Variants in TCERG1L observed in about 807,000 individuals in gnomAD.
The protein encoded by TCERG1L is transcription elongation regulator 1-like protein.
Under a neutral mutation model 56.3 loss-of-function variants are expected in TCERG1L, and 37 were observed. That is an observed-to-expected ratio of 0.66 (90% confidence interval 0.51 to 0.87). The LOEUF (loss-of-function observed/expected upper bound fraction) is 0.87, where lower values mean the gene tolerates loss of function less well. TCERG1L is among the 40% of genes least tolerant of loss of function. TCERG1L has a pLI of 0.00. For missense variants in TCERG1L, 799 were observed against 774.2 expected (o/e 1.03, Z -0.38); for synonymous variants, 324 against 326.3 (o/e 0.99, Z 0.08).
intron 6 of TCERG1L, among the ~76,000 whole-genome samples, chr10:131,150,758 G>C (rs1845855354): frequency 6.6e-6 from 1 of 152,224 alleles, no homozygotes; most frequent in Non-Finnish European, 1.5e-5. Context: ...GCTGAGGGCA[G>C]GTCAGTGGCT....
At chr10:131,209,057 CAA>C (rs10677942) in intron 4 of TCERG1L, among the ~76,000 whole-genome samples, 34 of 127,726 alleles carry the variant, frequency 2.7e-4, no homozygotes, top group Middle Eastern at 4.0e-3. Flanking sequence ...GACTCTGTCT[CAA>C]AAAAAAAAAA....
intron 4 of TCERG1L, among the ~76,000 whole-genome samples, chr10:131,240,552 TG>T (rs1845959650): frequency 6.6e-6 from 1 of 151,938 alleles, no homozygotes; most frequent in Admixed American, 6.6e-5. Context: ...AGTGAGTGAG[TG>T]AGTGAGCGTC....
At chr10:131,213,037 C>T (rs1488857950) in intron 4 of TCERG1L, among the ~76,000 whole-genome samples, 2 of 152,268 alleles carry the variant, frequency 1.3e-5, no homozygotes, top group Admixed American at 6.5e-5. Flanking sequence ...TCTGCCCCAT[C>T]AGGCAGGCAG....
At chr10:131,153,628 T>A (rs7096186) in intron 6 of TCERG1L, among the ~76,000 whole-genome samples, 19,516 of 152,172 alleles carry the variant, frequency 0.13, 1,698 homozygotes, top group Non-Finnish European at 0.2. Flanking sequence ...TAGGCCAGCA[T>A]TTGTTGTAAG....
chr10:131,198,181 A>C (rs1845388296), intron 4 of TCERG1L, among the ~76,000 whole-genome samples: 4 of 152,228 alleles, frequency 2.6e-5, no homozygotes, highest in African/African-American at 4.8e-5. Flanking sequence ...TGGGATTATC[A>C]TGGGAAATGA....
chr10:131,271,889 G>C (rs577084013), intron 3 of TCERG1L, among the ~76,000 whole-genome samples: 16 of 152,336 alleles, frequency 1.1e-4, no homozygotes, highest in African/African-American at 3.8e-4. Context: ...TATTATGCTT[G>C]TTTAGCAACT....
chr10:131,127,061 C>T (rs931356262), intron 8 of TCERG1L, among the ~76,000 whole-genome samples: 13 of 152,162 alleles, frequency 8.5e-5, no homozygotes, highest in African/African-American at 2.9e-4. Flanking sequence ...TTGAAGGAGA[C>T]ACAGCCCAGT....
intron 4 of TCERG1L, among the ~76,000 whole-genome samples, chr10:131,195,045 A>G (rs990970897): frequency 1.3e-5 from 2 of 152,182 alleles, no homozygotes; most frequent in South Asian, 2.1e-4. Context: ...TTTAGTGCCC[A>G]TGGACTCCTT....
Position 131,107,696 on chromosome 10 carries a change from G to T in TCERG1L, c.1396-3342C>A, listed in dbSNP as rs1845366993. ...GTGAAACACTTACGATGCCCAGAGA[G>T]TACATTCCATGGGGCCACGATTGCA... On this transcript the variant is annotated intron_variant, in intron 9 of 11. Transcript: ENST00000368642. 2.0e-5 allele frequency among the ~76,000 whole-genome samples: 3 copies of T among 152,162 alleles called. No individual in the cohort carries two copies. The South Asian group carries it at 6.2e-4, about 32-fold the overall frequency.
rs1845484135 is a variant in TCERG1L, at chr10:131,118,697, G to A, written c.1260-1763C>T. Among the ~76,000 whole-genome samples, 1 of 152,120 alleles carries A rather than the reference G, an allele frequency of 6.6e-6. No homozygotes were observed. Among genetic ancestry groups the A allele is most frequent in the Non-Finnish European group, 1.5e-5 (1 of 68,030 alleles). Reference sequence around the variant, plus strand: ...CCACTGACCCCCAACCCTGACCGTGGCTATCAAATCCTGCTTTTCCATGCC... The same window carrying A: ...CCACTGACCCCCAACCCTGACCGTGACTATCAAATCCTGCTTTTCCATGCC... On this transcript the variant is annotated intron_variant, in intron 8 of 11. Transcript: ENST00000368642. This position sits in a 1 kb window ranked among gnomAD's most constrained non-coding sequence, Gnocchi z 4.2.
At position 131,245,420 on chromosome 10, in the gene TCERG1L, T is replaced by TAAAA. The variant is rs397816461; in HGVS notation, c.856+14835_856+14838dup. ...TGGTTTAAAATAATAATTTTTTTTT[T>TAAAA]AAAAAAACTGAGAAGTTGAAGTCGA... On this transcript the variant is annotated intron_variant, in intron 4 of 11. Transcript: ENST00000368642. 5.4e-3 allele frequency among the ~76,000 whole-genome samples: 810 copies of TAAAA among 151,090 alleles called. 4 individuals carry two copies. The highest frequency in any genetic ancestry group is 0.014 in the African/African-American group (594 of 41,368).
chr10:131,136,247 C>G (rs536651176), intron 7 of TCERG1L, among the ~76,000 whole-genome samples: 1 of 152,388 alleles, frequency 6.6e-6, no homozygotes, highest in African/African-American at 2.4e-5. Context: ...CACAGCCCAA[C>G]ACAGCCCTCC....
At chr10:131,287,234 G>A (rs1846555467) in intron 3 of TCERG1L, among the ~76,000 whole-genome samples, 1 of 152,146 alleles carries the variant, frequency 6.6e-6, no homozygotes, top group Non-Finnish European at 1.5e-5. Context: ...ACATTTAGAT[G>A]CTAAAGTCCA....
At chr10:131,146,382 A>G in intron 7 of TCERG1L, 124 bp downstream of exon 7, 1 of 1,121,602 alleles carries the variant, frequency 8.9e-7, no homozygotes, top group South Asian at 2.4e-5. Flanking sequence ...GCAATCGGGC[A>G]CAGGATTCCT....
At chr10:131,257,257 C>T (rs1234832288) in intron 4 of TCERG1L, among the ~76,000 whole-genome samples, 2 of 152,022 alleles carry the variant, frequency 1.3e-5, no homozygotes, top group Non-Finnish European at 1.5e-5. Flanking sequence ...AACAGATCCC[C>T]GTGAAGCAGA....
At chr10:131,182,901 T>C (rs2133454142) in intron 4 of TCERG1L, among the ~76,000 whole-genome samples, 1 of 152,374 alleles carries the variant, frequency 6.6e-6, no homozygotes, top group Non-Finnish European at 1.5e-5. Flanking sequence ...TTGATACAAA[T>C]GGCTTTAATT....
At position 131,164,548 on chromosome 10, in the gene TCERG1L, T is replaced by C. The variant is rs60269377; in HGVS notation, c.946-1338A>G. Among the ~76,000 whole-genome samples the C allele has an allele frequency of 5.1e-3, 777 of 152,360 alleles. 7 individuals are homozygous for C. The highest frequency in any genetic ancestry group is 0.018 in the African/African-American group (743 of 41,588). On this transcript the variant is annotated intron_variant, in intron 5 of 11. Coordinates refer to ENST00000368642, the MANE Select transcript of TCERG1L (RefSeq NM_174937.4). Reference sequence around the variant, plus strand: ...TGAAGTAGCATGAGAAACTTTTTTCTTTCTTCCTCTTCCAGCTGTTTCCAT... The same window carrying C: ...TGAAGTAGCATGAGAAACTTTTTTCCTTCTTCCTCTTCCAGCTGTTTCCAT...
chr10:131,122,215 C>A (rs1845521486), intron 8 of TCERG1L, among the ~76,000 whole-genome samples: 1 of 152,170 alleles, frequency 6.6e-6, no homozygotes, highest in African/African-American at 2.4e-5. Flanking sequence ...GTCCTAAGCA[C>A]TAGAAATGAC....
chr10:131,106,213 C>T (rs1845350381), intron 9 of TCERG1L, among the ~76,000 whole-genome samples: 1 of 152,222 alleles, frequency 6.6e-6, no homozygotes, highest in Non-Finnish European at 1.5e-5. Context: ...CCTTGGGCCC[C>T]AAGCTGGGTG....
Sources: allele counts gnomAD v4.1 joint callset (sites outside exome capture counted in the v4.1 genomes callset), GRCh38; gene constraint gnomAD v4.1.1; non-coding constraint Gnocchi (gnomAD v3.1); transcripts MANE v1.5; gene names NCBI Gene and HGNC (gene_info 2026-07-23, HGNC 2026-07-21).